Variants in IL34 observed in about 807,000 individuals in gnomAD.
The protein encoded by IL34 is interleukin 34, also known as interleukin-34.
IL34 carries 17 observed loss-of-function variants against 25.3 expected under a neutral mutation model. That is an observed-to-expected ratio of 0.67 (90% CI 0.46 to 1.01). IL34 has a LOEUF of 1.01. Among genes scored for constraint, IL34 ranks in the 50% least tolerant of loss-of-function variants. IL34 has a pLI of 0.00. For synonymous variants in IL34, 174 were observed against 140.9 expected (o/e 1.23, Z -1.66); for missense variants, 368 against 312.9 (o/e 1.18, Z -1.33).
chr16:70,605,583 C>T (rs1040850585), intron 1 of IL34, among the ~76,000 whole-genome samples: 2 of 152,096 alleles, frequency 1.3e-5, no homozygotes, highest in African/African-American at 2.4e-5. Context: ...TTCTAGATAC[C>T]TCAGTTTATA....
upstream of IL34, among the ~76,000 whole-genome samples, chr16:70,645,274 C>G (rs1336862221): frequency 6.6e-6 from 1 of 152,132 alleles, no homozygotes; most frequent in Non-Finnish European, 1.5e-5. Flanking sequence ...CTTGAACAAC[C>G]CGTGTTCTCT....
intron 1 of IL34, among the ~76,000 whole-genome samples, chr16:70,647,255 ATC>A (rs930020553): frequency 3.5e-4 from 54 of 152,254 alleles, no homozygotes; most frequent in African/African-American, 1.3e-3. Context: ...AGGTGGCAGC[ATC>A]TCACCTTTCC....
chr16:70,636,858 C>T (rs2051662849), intron 1 of IL34, among the ~76,000 whole-genome samples: 1 of 152,058 alleles, frequency 6.6e-6, no homozygotes, highest in Non-Finnish European at 1.5e-5. Context: ...TTCTAAATAG[C>T]ACCTATTGCC....
At chr16:70,628,270 C>T (rs910769290) in intron 1 of IL34, among the ~76,000 whole-genome samples, 3 of 152,148 alleles carry the variant, frequency 2.0e-5, no homozygotes, top group African/African-American at 7.2e-5. Context: ...ATTGGACCTA[C>T]TTATGATGTT....
At chr16:70,601,395 C>G (rs2050915427) in intron 1 of IL34, among the ~76,000 whole-genome samples, 2 of 152,106 alleles carry the variant, frequency 1.3e-5, no homozygotes, top group Admixed American at 6.5e-5. Flanking sequence ...GTGTGCCCCA[C>G]CAAGCCTAGC....
intron 1 of IL34, among the ~76,000 whole-genome samples, chr16:70,611,365 C>T (rs1354525585): frequency 1.3e-5 from 2 of 152,128 alleles, no homozygotes; most frequent in Non-Finnish European, 2.9e-5. Flanking sequence ...TGTCCTTCTC[C>T]CCGCCACCTT....
intron 1 of IL34, among the ~76,000 whole-genome samples, chr16:70,614,886 G>A (rs866644111): frequency 2.6e-5 from 4 of 152,302 alleles, no homozygotes; most frequent in East Asian, 1.9e-4. Flanking sequence ...AGGAGCTGAT[G>A]AACTGCAACT....
chr16:70,582,967 A>G (rs543022042), intron 1 of IL34, among the ~76,000 whole-genome samples: 39 of 152,174 alleles, frequency 2.6e-4, no homozygotes, highest in African/African-American at 8.9e-4. Context: ...GAAGGGAGAG[A>G]TGTTTGGGAG....
intron 1 of IL34, among the ~76,000 whole-genome samples, chr16:70,623,234 G>T (rs1299580183): frequency 6.6e-6 from 1 of 152,072 alleles, no homozygotes; most frequent in Non-Finnish European, 1.5e-5. Flanking sequence ...GCGAAGAGAG[G>T]CTGGGATGAT....
intron 1 of IL34, among the ~76,000 whole-genome samples, chr16:70,637,654 T>G (rs956717616): frequency 6.6e-6 from 1 of 152,216 alleles, no homozygotes; most frequent in African/African-American, 2.4e-5. Context: ...CAAGTTAATT[T>G]CTATATGTGG....
intron 1 of IL34, among the ~76,000 whole-genome samples, chr16:70,603,022 G>A (rs1279459690): frequency 2.0e-5 from 3 of 152,066 alleles, no homozygotes; most frequent in East Asian, 3.9e-4. Flanking sequence ...TGGGAGCCCC[G>A]GCTGTTTTTC....
At chr16:70,658,555 C>T (rs555335420) in intron 4 of IL34, among the ~76,000 whole-genome samples, 3 of 151,948 alleles carry the variant, frequency 2.0e-5, no homozygotes, top group African/African-American at 7.3e-5. Context: ...AATCTTGGCT[C>T]ACTGCAACCT....
intron 1 of IL34, among the ~76,000 whole-genome samples, chr16:70,598,156 T>C (rs929447650): frequency 6.6e-6 from 1 of 152,080 alleles, no homozygotes; most frequent in African/African-American, 2.4e-5. Context: ...GAAGGGACAG[T>C]TCCTTAAAGG....
chr16:70,660,207 C>A lies in IL34; in HGVS notation c.*20C>A, dbSNP rs760390116. On this transcript the variant is annotated 3_prime_UTR_variant, in exon 6 of 6. Coordinates refer to ENST00000288098, the MANE Select transcript of IL34 (RefSeq NM_001393494.1). Reference sequence around the variant, plus strand: ...CCCTGAGCACCCTGGATGGTGACTGCGGATAGGGGCAGCCAGACCAGCTCC... The same window carrying A: ...CCCTGAGCACCCTGGATGGTGACTGAGGATAGGGGCAGCCAGACCAGCTCC... The A allele has an allele frequency of 3.2e-6, 5 of 1,540,208 alleles. No homozygotes were observed. Among genetic ancestry groups the A allele is most frequent in the East Asian group, 2.3e-5 (1 of 43,942 alleles).
chr16:70,660,304 G>A lies in IL34; in HGVS notation c.*117G>A. The A allele has an allele frequency of 1.0e-6, 1 of 956,072 alleles. No homozygotes were observed. Among genetic ancestry groups the A allele is most frequent in the Non-Finnish European group, 1.5e-6 (1 of 671,626 alleles). The allele number at this position is 956,072 out of a possible 1,614,324, so 59.2% of individuals were successfully genotyped here. ...GCCCCCCTTGGGAGAGGACCCCTGGGAAGGGTGTTTTTCCTTTGAGGGGGA... is the reference window on the plus strand; with the variant it reads ...GCCCCCCTTGGGAGAGGACCCCTGGAAAGGGTGTTTTTCCTTTGAGGGGGA... On this transcript the variant is annotated 3_prime_UTR_variant, in exon 6 of 6. Transcript: ENST00000288098.
chr16:70,637,602 C>A (rs7186416), intron 1 of IL34, among the ~76,000 whole-genome samples: 15,731 of 152,218 alleles, frequency 0.1, 2,641 homozygotes, highest in African/African-American at 0.35. Context: ...CCCTCGACCT[C>A]CCAAAATGCT....
chr16:70,654,276 C>G (rs1361128124), intron 1 of IL34: 2 of 333,334 alleles, frequency 6.0e-6, no homozygotes, highest in African/African-American at 4.2e-5. Context: ...GACGTCGACC[C>G]TGAGGCGTGC....
chr16:70,636,422 T>G (rs1025427489), intron 1 of IL34, among the ~76,000 whole-genome samples: 25 of 152,182 alleles, frequency 1.6e-4, no homozygotes, highest in African/African-American at 6.0e-4. Context: ...AAGGAAACTT[T>G]GTATCACTAG....
chr16:70,654,781 G>A (rs1329146520), intron 2 of IL34, 110 bp downstream of exon 2: 26 of 1,345,020 alleles, frequency 1.9e-5, no homozygotes, highest in South Asian at 3.3e-5. Flanking sequence ...GCCCTGAGCC[G>A]ACCATGGCCT....
Sources: allele counts gnomAD v4.1 joint callset (sites outside exome capture counted in the v4.1 genomes callset), GRCh38; gene constraint gnomAD v4.1.1; transcripts MANE v1.5; gene names NCBI Gene and HGNC (gene_info 2026-07-23, HGNC 2026-07-21).